FHIT: variants seen among roughly 807,000 people sequenced by gnomAD.
FHIT encodes the protein bis(5'-adenosyl)-triphosphatase.
A neutral mutation model predicts 17.9 loss-of-function variants in FHIT; 19 were observed. The observed-to-expected ratio is 1.06, with a 90% CI of 0.74 to 1.56. FHIT has a LOEUF of 1.56. FHIT is among the 40% of genes most tolerant of loss of function. The probability of loss-of-function intolerance (pLI) is 0.00; values close to 1 mark genes in which losing one functional copy is unlikely to be tolerated. For missense variants in FHIT, 248 were observed against 189.2 expected (o/e 1.31, Z -1.82); for synonymous variants, 81 against 69.7 (o/e 1.16, Z -0.81).
In FHIT at chr3:60,264,696, C is replaced by CTCTCCTTT. The variant is rs1706480614; in HGVS notation, c.104-250552_104-250545dup. Among the ~76,000 whole-genome samples, 9 of 152,056 alleles carry CTCTCCTTT rather than the reference C, an allele frequency of 5.9e-5. No individual in the cohort carries two copies. In the South Asian group the frequency reaches 1.9e-3, roughly 32 times the overall value. On this transcript the variant is annotated intron_variant, in intron 5 of 9. Transcript: ENST00000492590. ...CAAAACCCAGGGAGTTGAATGTGGACTCTCCTTTTCTCCTTTCTTTTATTT... is the reference window on the plus strand; with the variant it reads ...CAAAACCCAGGGAGTTGAATGTGGACTCTCCTTTTCTCCTTTTCTCCTTTCTTTTATTT...
chr3:61,023,830 C>G (rs1374795786), intron 3 of FHIT, among the ~76,000 whole-genome samples: 1 of 152,072 alleles, frequency 6.6e-6, no homozygotes, highest in East Asian at 1.9e-4. Context: ...CTTCCTTACT[C>G]CTTATACAAA....
intron 4 of FHIT, among the ~76,000 whole-genome samples, chr3:60,786,360 T>C (rs1331723572): frequency 6.6e-6 from 1 of 152,244 alleles, no homozygotes; most frequent in Non-Finnish European, 1.5e-5. Flanking sequence ...CTTGCTTTAG[T>C]TGATATCTTA....
chr3:60,614,278 C>G (rs1553674820), intron 4 of FHIT, among the ~76,000 whole-genome samples: 1 of 152,126 alleles, frequency 6.6e-6, no homozygotes, highest in Non-Finnish European at 1.5e-5. Context: ...TGCTTAATAT[C>G]GCTCTGGAAG....
intron 8 of FHIT, among the ~76,000 whole-genome samples, chr3:59,890,876 C>CT (rs1272409369): frequency 6.6e-6 from 1 of 152,058 alleles, no homozygotes; most frequent in East Asian, 1.9e-4. Flanking sequence ...ATAGAATTTC[C>CT]TTCATTTCTC....
chr3:61,140,692 G>A (rs986647108), intron 2 of FHIT, among the ~76,000 whole-genome samples: 4 of 152,034 alleles, frequency 2.6e-5, no homozygotes, highest in Non-Finnish European at 5.9e-5. Context: ...CTAGAAGAAC[G>A]TCCTACCTTC....
intron 4 of FHIT, among the ~76,000 whole-genome samples, chr3:60,775,361 A>G (rs1275411768): frequency 2.0e-5 from 3 of 151,994 alleles, no homozygotes; most frequent in African/African-American, 7.3e-5. Flanking sequence ...ACCGGGGTGG[A>G]GCCTCGGGAA....
intron 5 of FHIT, among the ~76,000 whole-genome samples, chr3:60,075,657 A>G (rs1702973752): frequency 6.6e-6 from 1 of 152,086 alleles, no homozygotes; most frequent in Admixed American, 6.6e-5. Context: ...GGTATGGAAC[A>G]TTCCCCAGAC....
intron 4 of FHIT, among the ~76,000 whole-genome samples, chr3:60,749,985 G>A (rs184899767): frequency 4.6e-5 from 7 of 152,120 alleles, no homozygotes; most frequent in African/African-American, 7.2e-5. Context: ...ATTTTATGAC[G>A]TAGGCACTAC....
chr3:60,280,981 C>T (rs1290929811), intron 5 of FHIT, among the ~76,000 whole-genome samples: 1 of 152,200 alleles, frequency 6.6e-6, no homozygotes, highest in Non-Finnish European at 1.5e-5. Context: ...TAAGCAACTG[C>T]AGCAATGTTT....
chr3:60,219,414 T>TACC (rs1196931917), intron 5 of FHIT, among the ~76,000 whole-genome samples: 2 of 152,192 alleles, frequency 1.3e-5, no homozygotes, highest in African/African-American at 4.8e-5. Flanking sequence ...GAGAAAATTC[T>TACC]ACCCAAAGTC....
intron 4 of FHIT, among the ~76,000 whole-genome samples, chr3:60,642,712 G>A (rs1332069780): frequency 1.3e-5 from 2 of 152,130 alleles, no homozygotes; most frequent in African/African-American, 2.4e-5. Flanking sequence ...TGGGAGAGGA[G>A]TATCCTCTTC....
intron 8 of FHIT, among the ~76,000 whole-genome samples, chr3:59,895,792 C>T (rs527387847): frequency 6.6e-6 from 1 of 152,312 alleles, no homozygotes; most frequent in East Asian, 1.9e-4. Context: ...GATTACATCC[C>T]TCTTGTGTTT....
At chr3:60,964,454 T>C (rs918001208) in intron 3 of FHIT, among the ~76,000 whole-genome samples, 1 of 152,194 alleles carries the variant, frequency 6.6e-6, no homozygotes, top group Non-Finnish European at 1.5e-5. Context: ...TATTATTATG[T>C]GTGAATTTGA....
intron 8 of FHIT, among the ~76,000 whole-genome samples, chr3:59,800,971 C>G (rs1699969948): frequency 1.3e-5 from 2 of 152,180 alleles, no homozygotes; most frequent in Admixed American, 6.5e-5. Context: ...TCCCCCTTCC[C>G]AGCTCATCGC....
intron 5 of FHIT, among the ~76,000 whole-genome samples, chr3:60,271,587 T>C (rs1363340277): frequency 6.6e-6 from 1 of 152,200 alleles, no homozygotes; most frequent in Non-Finnish European, 1.5e-5. Context: ...TTGATGTTAG[T>C]ACTGCTGTCT....
chr3:60,095,967 GAGA>G (rs200566279), intron 5 of FHIT, among the ~76,000 whole-genome samples: 4,884 of 152,206 alleles, frequency 0.032, 104 homozygotes, highest in Non-Finnish European at 0.042. Flanking sequence ...GGCTGGCTTT[GAGA>G]AGAAGGGAAT....
intron 3 of FHIT, among the ~76,000 whole-genome samples, chr3:60,926,531 A>G (rs1393319638): frequency 1.3e-5 from 2 of 152,256 alleles, no homozygotes; most frequent in Non-Finnish European, 1.5e-5. Context: ...ACAACATACC[A>G]GAATCTGTGG....
At chr3:60,374,642 A>C (rs568785568) in intron 5 of FHIT, among the ~76,000 whole-genome samples, 4 of 151,110 alleles carry the variant, frequency 2.6e-5, no homozygotes, top group African/African-American at 7.3e-5. Context: ...ATTGACATTT[A>C]TGTAGAAGGA....
chr3:60,315,591 CTG>C (rs575641998), intron 5 of FHIT, among the ~76,000 whole-genome samples: 242 of 152,330 alleles, frequency 1.6e-3, no homozygotes, highest in Middle Eastern at 0.01. Context: ...AACATACTAT[CTG>C]TGAAATTCAT....
Sources: allele counts gnomAD v4.1 joint callset (sites outside exome capture counted in the v4.1 genomes callset), GRCh38; gene constraint gnomAD v4.1.1; transcripts MANE v1.5; gene names NCBI Gene and HGNC (gene_info 2026-07-23, HGNC 2026-07-21).